Variants in PRUNE2 observed in about 807,000 individuals in gnomAD.
PRUNE2 encodes prune homolog 2 with BCH domain.
PRUNE2 carries 164 observed loss-of-function variants against 252.0 expected under a neutral mutation model. The observed-to-expected ratio is 0.65, with a 90% CI of 0.57 to 0.74. PRUNE2 has a LOEUF of 0.74. Ranked by LOEUF, PRUNE2 falls within the 30% of genes least tolerant of loss-of-function variation. The pLI is 0.00. For synonymous variants in PRUNE2, 1,292 were observed against 1,350.2 expected (o/e 0.96, Z 0.94); for missense variants, 3,495 against 3,711.0 (o/e 0.94, Z 1.51).
At chr9:76,850,379 A>G in intron 3 of PRUNE2, 84 bp downstream of exon 3, 2 of 1,108,418 alleles carry the variant, frequency 1.8e-6, no homozygotes, top group East Asian at 4.8e-5. Flanking sequence ...TGCCTAAACC[A>G]CAAAAGTCCT....
chr9:76,741,839 T>C (rs1437381800), intron 6 of PRUNE2, among the ~76,000 whole-genome samples: 1 of 152,214 alleles, frequency 6.6e-6, no homozygotes, highest in African/African-American at 2.4e-5. Context: ...CTACTAAATC[T>C]GCCTTTCTCT....
At position 76,710,150 on chromosome 9, in the gene PRUNE2, G is replaced by C; in HGVS notation, c.2124C>G (p.Leu708=). The change falls in exon 8 of 19, where the codon CTC becomes CTG. Residue 708 remains leucine, a synonymous_variant. Transcript: ENST00000376718. ...CCCAGGGACCTGACTTTGTAAATTCGAGGCTCTTTGGTTGAAATACAGAAT... is the reference window on the plus strand; with the variant it reads ...CCCAGGGACCTGACTTTGTAAATTCCAGGCTCTTTGGTTGAAATACAGAAT... The part of the protein sequence containing the change: ...ASDSVFQPKS[L]EFTKSGPWES... 1 of 1,613,824 alleles carries C rather than the reference G, an allele frequency of 6.2e-7. No individual in the cohort carries two copies. Among genetic ancestry groups the C allele is most frequent in the Non-Finnish European group, 8.5e-7 (1 of 1,179,862 alleles).
chr9:76,882,743 T>G (rs1408895850), intron 1 of PRUNE2, among the ~76,000 whole-genome samples: 1 of 152,126 alleles, frequency 6.6e-6, no homozygotes, highest in Non-Finnish European at 1.5e-5. Context: ...GCCCCCATGA[T>G]CCAATCACTT....
chr9:76,656,917 G>A (rs892671222), intron 9 of PRUNE2, among the ~76,000 whole-genome samples: 1 of 152,162 alleles, frequency 6.6e-6, no homozygotes, highest in Non-Finnish European at 1.5e-5. Flanking sequence ...GCATGCAAGA[G>A]GTTGGCATGT....
chr9:76,841,091 T>C (rs1184341909), intron 4 of PRUNE2, among the ~76,000 whole-genome samples: 3 of 152,124 alleles, frequency 2.0e-5, no homozygotes, highest in African/African-American at 7.2e-5. Flanking sequence ...GATGTCTGCA[T>C]TTCCAACTGA....
intron 9 of PRUNE2, among the ~76,000 whole-genome samples, chr9:76,676,488 A>G (rs2042612387): frequency 1.3e-5 from 2 of 152,158 alleles, no homozygotes; most frequent in South Asian, 4.1e-4. Flanking sequence ...ATTTATATGC[A>G]TTTTTAGATA....
intron 9 of PRUNE2, among the ~76,000 whole-genome samples, chr9:76,700,552 TTTCATAAGCCCCTTGAGGAGTGCC>T (rs987427280): frequency 4.6e-5 from 7 of 152,210 alleles, no homozygotes; most frequent in African/African-American, 1.2e-4. Context: ...CTTTAGTGAC[TTTCATAAGCCCCTTGAGGAGTGCC>T]TTCATAAGCC....
intron 9 of PRUNE2, among the ~76,000 whole-genome samples, chr9:76,701,123 C>T (rs908079765): frequency 1.4e-4 from 22 of 152,310 alleles, no homozygotes; most frequent in South Asian, 8.3e-4. Flanking sequence ...GGCCTCACCC[C>T]CAGAGTTCCT....
chr9:76,836,746 C>A (rs2059002326), intron 4 of PRUNE2, among the ~76,000 whole-genome samples: 1 of 152,108 alleles, frequency 6.6e-6, no homozygotes, highest in Non-Finnish European at 1.5e-5. Flanking sequence ...GTTAAATCCC[C>A]CACAAAGCCT....
At chr9:76,633,940 T>C (rs1480141857) in intron 15 of PRUNE2, among the ~76,000 whole-genome samples, 5 of 152,056 alleles carry the variant, frequency 3.3e-5, no homozygotes, top group East Asian at 1.9e-4. Context: ...TGAGACCCCA[T>C]ATCTACAAAA....
intron 6 of PRUNE2, among the ~76,000 whole-genome samples, chr9:76,714,413 G>C (rs2046977470): frequency 6.6e-6 from 1 of 152,012 alleles, no homozygotes; most frequent in African/African-American, 2.4e-5. Context: ...ATTTATTTTT[G>C]AGACAGGGTC....
chr9:76,860,422 C>G (rs1449938210), intron 1 of PRUNE2, among the ~76,000 whole-genome samples: 1 of 151,802 alleles, frequency 6.6e-6, no homozygotes, highest in Non-Finnish European at 1.5e-5. Flanking sequence ...GGGATTAGTT[C>G]AAGGAAATGA....
Position 76,711,308 on chromosome 9 carries a change from G to T in PRUNE2, c.966C>A (p.Pro322=). Residue 322 remains proline (P), a synonymous_variant, in exon 8 of 19, where the codon CCC becomes CCA. Coordinates refer to ENST00000376718, the MANE Select transcript of PRUNE2 (RefSeq NM_015225.3). ...GGATCTCATCACAGCCACAGTCAAA[G>T]GGCTCCAGTTCTAGGCAAGGGTTCT... ...ECQNPCLELE[P]FDCGCDEILV... 1 of 1,613,744 alleles carries T rather than the reference G, an allele frequency of 6.2e-7. No homozygotes were observed. The highest frequency in any genetic ancestry group is 8.5e-7 in the Non-Finnish European group (1 of 1,179,864).
intron 1 of PRUNE2, among the ~76,000 whole-genome samples, chr9:76,873,853 G>A (rs2061348536): frequency 6.6e-6 from 1 of 152,196 alleles, no homozygotes; most frequent in South Asian, 2.1e-4. Flanking sequence ...AAGGCTAAGT[G>A]AACTGGGGCC....
chr9:76,657,317 G>C (rs1428488060), intron 9 of PRUNE2, among the ~76,000 whole-genome samples: 1 of 152,182 alleles, frequency 6.6e-6, no homozygotes, highest in Non-Finnish European at 1.5e-5. Flanking sequence ...TATTTTTCTA[G>C]TTATCTGCCT....
intron 6 of PRUNE2, among the ~76,000 whole-genome samples, chr9:76,808,261 T>C (rs2057118464): frequency 6.6e-6 from 1 of 152,250 alleles, no homozygotes; most frequent in East Asian, 1.9e-4. Context: ...AGGTATGTGA[T>C]GCTTGTGTTG....
chr9:76,778,970 T>C (rs1240845939), intron 6 of PRUNE2: 1 of 152,216 alleles, frequency 6.6e-6, no homozygotes, highest in Non-Finnish European at 1.5e-5. Context: ...TCCATTCCAG[T>C]TGGCTTCTTG....
intron 6 of PRUNE2, among the ~76,000 whole-genome samples, chr9:76,761,026 C>T (rs556128424): frequency 3.6e-4 from 52 of 143,698 alleles, no homozygotes; most frequent in Non-Finnish European, 6.6e-4. Flanking sequence ...GCAGAGGTTG[C>T]GGTGAGCCGA....
In PRUNE2 at chr9:76,703,475, G is replaced by T. The variant is rs754490117; in HGVS notation, c.8138C>A (p.Thr2713Lys). The change falls in exon 9 of 19, where the codon ACG becomes AAG. Residue 2713 changes from threonine (T) to lysine (K), a missense_variant. Physicochemically the swap from Thr to Lys is moderately conservative, Grantham distance 78. Coordinates refer to ENST00000376718, the MANE Select transcript of PRUNE2 (RefSeq NM_015225.3). ...ATTGTCATGGGTGACAGCCTGCAAC[G>T]TAACTGCATCCGGGCCAGCCCTGCC... ...SRGRAGPDAV[T>K]LQAVTHDNEW... 4.8e-6 allele frequency: 7 copies of T among 1,466,528 alleles called. No individual in the cohort carries two copies. In the South Asian group the frequency reaches 8.1e-5, roughly 17 times the overall value. The allele number at this position is 1,466,528 out of a possible 1,614,324, so 90.8% of individuals were successfully genotyped here. A position where few individuals can be genotyped will look rare whatever the true frequency, so the allele number is the denominator to read the frequency against.
Sources: allele counts gnomAD v4.1 joint callset (sites outside exome capture counted in the v4.1 genomes callset), GRCh38; gene constraint gnomAD v4.1.1; transcripts MANE v1.5; gene names NCBI Gene and HGNC (gene_info 2026-07-23, HGNC 2026-07-21).